ZNF407: variants seen among roughly 807,000 people sequenced by gnomAD.
ZNF407 encodes zinc finger protein 407.
Under a neutral mutation model 131.2 loss-of-function variants are expected in ZNF407, and 17 were observed. That is an observed-to-expected ratio of 0.13 (90% CI 0.09 to 0.19). ZNF407 has a LOEUF of 0.19. ZNF407 is among the 10% of genes least tolerant of loss of function. ZNF407 has a pLI of 1.00. For synonymous variants in ZNF407, 1,156 were observed against 1,062.0 expected (o/e 1.09, Z -1.72); for missense variants, 2,681 against 2,830.6 (o/e 0.95, Z 1.20).
At chr18:74,653,303 A>T (rs1985308906) in intron 3 of ZNF407, among the ~76,000 whole-genome samples, 1 of 151,888 alleles carries the variant, frequency 6.6e-6, no homozygotes, top group South Asian at 2.1e-4. Flanking sequence ...AAGTTTATTT[A>T]AGCGTCATAT....
chr18:74,980,496 G>C (rs960202123), intron 8 of ZNF407, among the ~76,000 whole-genome samples: 1 of 151,882 alleles, frequency 6.6e-6, no homozygotes, highest in Non-Finnish European at 1.5e-5. Context: ...ATAGAGACAG[G>C]GTTTCACCAT....
At chr18:75,016,088 G>A (rs974010379) in intron 8 of ZNF407, among the ~76,000 whole-genome samples, 2 of 152,030 alleles carry the variant, frequency 1.3e-5, no homozygotes, top group African/African-American at 4.8e-5. Flanking sequence ...TTACAAATGG[G>A]TTTTTTGAGG....
chr18:75,004,793 G>C (rs1050814337), intron 8 of ZNF407, among the ~76,000 whole-genome samples: 1 of 152,158 alleles, frequency 6.6e-6, no homozygotes, highest in Non-Finnish European at 1.5e-5. Flanking sequence ...TTTACTTTAT[G>C]TTGCAAAGTC....
At chr18:74,866,458 A>G (rs1971011690) in intron 4 of ZNF407, among the ~76,000 whole-genome samples, 2 of 152,210 alleles carry the variant, frequency 1.3e-5, no homozygotes, top group South Asian at 4.1e-4. Context: ...AAGTGTGGAA[A>G]GCTGCCCTTC....
At chr18:75,053,429 G>T (rs1973525287) in intron 8 of ZNF407, among the ~76,000 whole-genome samples, 2 of 152,186 alleles carry the variant, frequency 1.3e-5, no homozygotes, top group Admixed American at 1.3e-4. Flanking sequence ...TCACCAAGCT[G>T]CCTGACTGTG....
chr18:75,035,861 T>C (rs953634156), intron 8 of ZNF407, among the ~76,000 whole-genome samples: 1 of 152,228 alleles, frequency 6.6e-6, no homozygotes, highest in African/African-American at 2.4e-5. Flanking sequence ...TAGAATAGGA[T>C]CTATAGGTAT....
chr18:75,046,579 G>C lies in ZNF407; in HGVS notation c.5429-16571G>C, dbSNP rs138877069. Among the ~76,000 whole-genome samples, 412 of 152,248 alleles carry C rather than the reference G, an allele frequency of 2.7e-3. 9 individuals carry two copies. The East Asian group carries it at 0.047, about 17-fold the overall frequency. ...AGCCAGCAGTTAGAAAGTCGAGTCA[G>C]TACCCAGCTGAATCGTGACCACCCG... is the stretch of plus-strand genomic sequence containing the variant. On this transcript the variant is annotated intron_variant, in intron 8 of 8. Coordinates refer to ENST00000299687, the MANE Select transcript of ZNF407 (RefSeq NM_017757.3).
chr18:74,832,122 G>A (rs1970493650), intron 4 of ZNF407, among the ~76,000 whole-genome samples: 1 of 152,202 alleles, frequency 6.6e-6, no homozygotes, highest in Non-Finnish European at 1.5e-5. Context: ...GAGTGTGTTT[G>A]TGCTGGGTTC....
intron 4 of ZNF407, among the ~76,000 whole-genome samples, chr18:74,872,801 CCT>C (rs1971106831): frequency 6.7e-6 from 1 of 150,292 alleles, no homozygotes. Flanking sequence ...ACTAGTGACT[CCT>C]CTTACTGGTA....
At chr18:74,867,439 C>T (rs559439576) in intron 4 of ZNF407, among the ~76,000 whole-genome samples, 3 of 152,274 alleles carry the variant, frequency 2.0e-5, no homozygotes, top group South Asian at 2.1e-4. Context: ...AAATTGAACA[C>T]GTGTCCTGTG....
chr18:74,841,535 G>C (rs1263544909), intron 4 of ZNF407, among the ~76,000 whole-genome samples: 1 of 152,180 alleles, frequency 6.6e-6, no homozygotes, highest in Non-Finnish European at 1.5e-5. Flanking sequence ...TGTGATTTAT[G>C]AACTTTTGTT....
At chr18:74,720,052 T>C (rs1309475035) in intron 3 of ZNF407, among the ~76,000 whole-genome samples, 6 of 152,076 alleles carry the variant, frequency 3.9e-5, no homozygotes, top group Admixed American at 3.9e-4. Flanking sequence ...GATCTATTTG[T>C]ATTTTTTTTT....
chr18:74,923,689 CTAAA>C (rs1254659986), intron 8 of ZNF407, among the ~76,000 whole-genome samples: 7 of 152,038 alleles, frequency 4.6e-5, no homozygotes, highest in Non-Finnish European at 8.8e-5. Context: ...AAATATATCA[CTAAA>C]TACTCAGAAC....
At chr18:74,614,107 G>C (rs1983181021) in intron 1 of ZNF407, among the ~76,000 whole-genome samples, 1 of 152,180 alleles carries the variant, frequency 6.6e-6, no homozygotes, top group Non-Finnish European at 1.5e-5. Context: ...AGTTACAGGA[G>C]TGCATGTTAA....
chr18:74,615,949 C>T (rs910405859), intron 1 of ZNF407, among the ~76,000 whole-genome samples: 5 of 151,906 alleles, frequency 3.3e-5, no homozygotes, highest in Non-Finnish European at 5.9e-5. Flanking sequence ...CTGCAGCTTC[C>T]GCCTCCCGGG....
chr18:74,978,262 C>T (rs1181366106), intron 8 of ZNF407, among the ~76,000 whole-genome samples: 1 of 152,072 alleles, frequency 6.6e-6, no homozygotes, highest in African/African-American at 2.4e-5. Context: ...TCATGTAGCT[C>T]TAGAGCTCAG....
At chr18:74,830,092 A>ACCAT (rs1167909919) in intron 4 of ZNF407, among the ~76,000 whole-genome samples, 1 of 152,132 alleles carries the variant, frequency 6.6e-6, no homozygotes, top group Non-Finnish European at 1.5e-5. Context: ...TGAGAATGTG[A>ACCAT]CCATCCTCAA....
intron 8 of ZNF407, among the ~76,000 whole-genome samples, chr18:75,035,489 T>A (rs1023585974): frequency 6.6e-6 from 1 of 152,216 alleles, no homozygotes; most frequent in Admixed American, 6.5e-5. Context: ...TAGATACCAA[T>A]AGAATGGACC....
chr18:74,778,732 GCT>G (rs2145020029), intron 3 of ZNF407, among the ~76,000 whole-genome samples: 1 of 152,178 alleles, frequency 6.6e-6, no homozygotes, highest in African/African-American at 2.4e-5. Context: ...TGTCGAGAAT[GCT>G]CCGGGAAGGC....
Sources: gnomAD v4.1 joint callset for allele counts (sites outside exome capture counted in the v4.1 genomes callset) on GRCh38, gnomAD v4.1.1 for gene constraint, MANE v1.5 for transcripts, NCBI Gene and HGNC (gene_info 2026-07-23, HGNC 2026-07-21) for gene names.